The following FUT9 variants were observed in gnomAD, a reference collection of about 807,000 sequenced individuals.
FUT9 encodes the protein fucosyltransferase 9, also known as 4-galactosyl-N-acetylglucosaminide 3-alpha-L-fucosyltransferase 9.
Under a neutral mutation model 29.7 loss-of-function variants are expected in FUT9, and 15 were observed. The observed-to-expected ratio is 0.51, with a 90% CI of 0.34 to 0.78. The LOEUF is 0.78. FUT9 is among the 30% of genes least tolerant of loss of function. The pLI is 0.01. For synonymous variants in FUT9, 169 were observed against 153.7 expected, an observed-to-expected ratio of 1.10 and a Z score of -0.74; for missense variants, 319 against 425.4, an observed-to-expected ratio of 0.75 and a Z score of 2.20.
chr6:96,162,956 T>C (rs986637940), intron 2 of FUT9, among the ~76,000 whole-genome samples: 2 of 152,200 alleles, frequency 1.3e-5, no homozygotes, highest in Admixed American at 1.3e-4. Flanking sequence ...GTCTTTTCCC[T>C]TGCAGTGGAG....
intron 1 of FUT9, among the ~76,000 whole-genome samples, chr6:96,105,800 C>T (rs1259584262): frequency 6.6e-6 from 1 of 152,082 alleles, no homozygotes; most frequent in East Asian, 1.9e-4. Flanking sequence ...GCAACAAATT[C>T]CTCTAAAAAT....
At chr6:96,039,368 G>C (rs888338380) in intron 1 of FUT9, among the ~76,000 whole-genome samples, 2 of 152,016 alleles carry the variant, frequency 1.3e-5, no homozygotes, top group Admixed American at 6.6e-5. Context: ...AATCACGTTC[G>C]TGCTTACTAC....
intron 2 of FUT9, among the ~76,000 whole-genome samples, chr6:96,183,896 G>A (rs9404365): frequency 0.91 from 138,524 of 151,910 alleles, 64,519 homozygotes; most frequent in Non-Finnish European, 1. Flanking sequence ...ATATCGGGCT[G>A]TAGTTTTCTT....
At position 96,204,189 on chromosome 6, in the gene FUT9, A is replaced by C; in HGVS notation, c.1034A>C (p.Gln345Pro). ...GCTTGCGATCATGTGAAAAGGCATC[A>C]AGAATATAAGTCTGTTGGTAATTTA... ...CLACDHVKRH[Q>P]EYKSVGNLEK... is the part of the protein sequence containing the mutation. Residue 345 changes from glutamine to proline, a missense_variant, in exon 3 of 3, where the codon CAA (glutamine) becomes CCA (proline). Gln to Pro is a moderately conservative substitution (Grantham distance 76). Coordinates refer to ENST00000302103, the MANE Select transcript of FUT9 (RefSeq NM_006581.4). 6.8e-7 allele frequency: 1 copy of C among 1,475,330 alleles called. No homozygotes were observed. Among genetic ancestry groups the C allele is most frequent in the African/African-American group, 1.4e-5 (1 of 71,322 alleles). The allele number at this position is 1,475,330 out of a possible 1,614,324, so 91.4% of individuals were successfully genotyped here.
intron 1 of FUT9, among the ~76,000 whole-genome samples, chr6:96,051,012 CTG>C (rs57618987): frequency 5.4e-5 from 8 of 149,504 alleles, no homozygotes; most frequent in Non-Finnish European, 7.4e-5. Flanking sequence ...CTCTCTCTCT[CTG>C]TGTGTGTGTG....
chr6:96,153,439 G>A (rs756086738), intron 2 of FUT9, among the ~76,000 whole-genome samples: 1 of 152,142 alleles, frequency 6.6e-6, no homozygotes, highest in Non-Finnish European at 1.5e-5. Flanking sequence ...CTTCTTCTAA[G>A]TGTGCAGGAT....
At chr6:96,028,107 C>A (rs929996103) in intron 1 of FUT9, among the ~76,000 whole-genome samples, 17 of 151,430 alleles carry the variant, frequency 1.1e-4, no homozygotes, top group South Asian at 4.1e-4. Flanking sequence ...CAGTGGCAAT[C>A]TTGTGCAGAA....
intron 2 of FUT9, among the ~76,000 whole-genome samples, chr6:96,141,908 T>A (rs1772471169): frequency 6.6e-6 from 1 of 152,222 alleles, no homozygotes; most frequent in Non-Finnish European, 1.5e-5. Context: ...TTGTCTGCTG[T>A]GTACTCATCT....
chr6:96,149,991 C>T (rs200685746), intron 2 of FUT9, among the ~76,000 whole-genome samples: 2 of 152,138 alleles, frequency 1.3e-5, no homozygotes. Context: ...CTCTTTACCC[C>T]CCTTCTCCAT....
At chr6:96,107,555 C>T (rs1771714963) in intron 1 of FUT9, among the ~76,000 whole-genome samples, 1 of 152,114 alleles carries the variant, frequency 6.6e-6, no homozygotes, top group Non-Finnish European at 1.5e-5. Context: ...GCAGCTTTCC[C>T]TTCCCCGAAA....
At chr6:96,065,554 A>G (rs1445999638) in intron 1 of FUT9, among the ~76,000 whole-genome samples, 1 of 152,146 alleles carries the variant, frequency 6.6e-6, no homozygotes, top group Non-Finnish European at 1.5e-5. Flanking sequence ...ATATTGTTCT[A>G]TCTCTTTAAG....
intron 2 of FUT9, among the ~76,000 whole-genome samples, chr6:96,164,827 A>G (rs1772984288): frequency 6.6e-6 from 1 of 152,216 alleles, no homozygotes; most frequent in South Asian, 2.1e-4. Flanking sequence ...TGGTTTCCAA[A>G]ACTATGTAAA....
At chr6:96,119,429 T>A (rs146619738) in intron 2 of FUT9, among the ~76,000 whole-genome samples, 2 of 152,326 alleles carry the variant, frequency 1.3e-5, no homozygotes, top group African/African-American at 4.8e-5. Flanking sequence ...GTAAGTCCAC[T>A]CTCTGATGTT....
chr6:96,148,397 G>A (rs1346012505), intron 2 of FUT9, among the ~76,000 whole-genome samples: 5 of 152,164 alleles, frequency 3.3e-5, no homozygotes, highest in African/African-American at 1.2e-4. Context: ...CATTAAGGTG[G>A]ATAATTAAAA....
intron 2 of FUT9, among the ~76,000 whole-genome samples, chr6:96,165,490 C>G (rs1057292916): frequency 2.7e-5 from 4 of 147,294 alleles, no homozygotes. Context: ...AAAAAGTGAT[C>G]TCTCCTTTAT....
chr6:96,093,946 G>T (rs1325515875), intron 1 of FUT9, among the ~76,000 whole-genome samples: 1 of 152,068 alleles, frequency 6.6e-6, no homozygotes, highest in Non-Finnish European at 1.5e-5. Context: ...ACCCTAATTT[G>T]GTGCATTGCG....
intron 2 of FUT9, among the ~76,000 whole-genome samples, chr6:96,174,017 G>GA (rs1773160283): frequency 6.6e-6 from 1 of 152,060 alleles, no homozygotes; most frequent in South Asian, 2.1e-4. Context: ...AAAAATACAA[G>GA]AAGTATTTAG....
chr6:96,156,393 C>G (rs571305631), intron 2 of FUT9, among the ~76,000 whole-genome samples: 1 of 152,020 alleles, frequency 6.6e-6, no homozygotes, highest in East Asian at 1.9e-4. Context: ...AAATCAGGCA[C>G]GTGGACACTC....
intron 2 of FUT9, among the ~76,000 whole-genome samples, chr6:96,120,269 C>CTTTTTTTTTT (rs11347804): frequency 6.3e-4 from 58 of 91,462 alleles, no homozygotes; most frequent in East Asian, 9.6e-4. Context: ...TTTTTTCTTT[C>CTTTTTTTTTT]TTTTTTTTTT....
Sources: gnomAD v4.1 joint callset for allele counts (sites outside exome capture counted in the v4.1 genomes callset) on GRCh38, gnomAD v4.1.1 for gene constraint, MANE v1.5 for transcripts, NCBI Gene and HGNC (gene_info 2026-07-23, HGNC 2026-07-21) for gene names.